COL5A3: variants seen among roughly 807,000 people sequenced by gnomAD.
The protein encoded by COL5A3 is collagen alpha-3(V) chain.
COL5A3 carries 172 observed loss-of-function variants against 250.0 expected under a neutral mutation model. The observed-to-expected ratio is 0.69, with a 90% CI of 0.61 to 0.78. The LOEUF (loss-of-function observed/expected upper bound fraction) is 0.78, where lower values mean the gene tolerates loss of function less well. Ranked by LOEUF, COL5A3 falls within the 30% of genes least tolerant of loss-of-function variation. The probability of loss-of-function intolerance (pLI) is 0.00; values close to 1 mark genes in which losing one functional copy is unlikely to be tolerated. For synonymous variants in COL5A3, 937 were observed against 900.4 expected, an observed-to-expected ratio of 1.04 and a Z score of -0.73; for missense variants, 2,340 against 2,334.4, an observed-to-expected ratio of 1.00 and a Z score of -0.05.
Position 9,969,980 on chromosome 19 carries a change from A to T in COL5A3, c.3937-58T>A, listed in dbSNP as rs114584365. On this transcript the variant is annotated intron_variant, in intron 54 of 66. Transcript: ENST00000264828. ...GGGCTGACTGAGGGTCAGAGGGGTG[A>T]GTGGGGTCTGGGTGACTGGGGGGTT... 7.4e-4 allele frequency: 1,001 copies of T among 1,358,698 alleles called. 17 individuals carry two copies. The African/African-American group carries it at 0.017, about 23-fold the overall frequency. The allele number at this position is 1,358,698 out of a possible 1,614,324, so 84.2% of individuals were successfully genotyped here. A position where few individuals can be genotyped will look rare whatever the true frequency, so the allele number is the denominator to read the frequency against.
chr19:9,991,953 CG>C, intron 22 of COL5A3, 50 bp downstream of exon 22: 1 of 1,580,966 alleles, frequency 6.3e-7, no homozygotes, highest in African/African-American at 1.4e-5. Context: ...TGTGGACAAT[CG>C]GGGTCAGAGT....
intron 51 of COL5A3, among the ~76,000 whole-genome samples, chr19:9,972,665 A>G (rs1452197601): frequency 6.7e-6 from 1 of 149,950 alleles, no homozygotes; most frequent in Non-Finnish European, 1.5e-5. Context: ...GTGAACACCC[A>G]TCTCTACTAA....
chr19:9,970,378 CGGGGGCTGTGGGGTGAGT>C (rs2086821333), intron 54 of COL5A3, among the ~76,000 whole-genome samples: 1 of 14,702 alleles, frequency 6.8e-5, no homozygotes, highest in Non-Finnish European at 1.3e-4. Flanking sequence ...GTGGGGTAAG[CGGGGGCTGTGGGGTGAGT>C]GGGGTCTGTG....
At chr19:9,962,476 G>A (rs547735370) in intron 65 of COL5A3, among the ~76,000 whole-genome samples, 1 of 152,200 alleles carries the variant, frequency 6.6e-6, no homozygotes, top group Non-Finnish European at 1.5e-5. Context: ...CCCTCTCCCT[G>A]GAACACTTGT....
At chr19:9,963,898 G>A (rs1193281689) in intron 64 of COL5A3, among the ~76,000 whole-genome samples, 1 of 152,118 alleles carries the variant, frequency 6.6e-6, no homozygotes, top group African/African-American at 2.4e-5. Flanking sequence ...GCCAGGCGCG[G>A]TGGCTCAAAC....
intron 37 of COL5A3, 115 bp from the exon 38 acceptor site, chr19:9,979,532 G>A (rs2086974507): frequency 8.8e-7 from 1 of 1,130,178 alleles, no homozygotes; most frequent in Non-Finnish European, 1.3e-6. Flanking sequence ...GCTCACGCCT[G>A]TAATCCCAGC....
intron 56 of COL5A3, 22 bp from the exon 57 acceptor site, chr19:9,969,424 G>C (rs1478404460): frequency 6.2e-7 from 1 of 1,606,288 alleles, no homozygotes. Context: ...ACAGAACATG[G>C]GGTGGGCTGC....
At chr19:10,007,964 A>G (rs2087466475) in intron 1 of COL5A3, among the ~76,000 whole-genome samples, 1 of 143,432 alleles carries the variant, frequency 7.0e-6, no homozygotes, top group African/African-American at 2.6e-5. Context: ...TCTCTTCTCA[A>G]TCTCTCTCTC....
chr19:9,986,352 G>A lies in COL5A3; in HGVS notation c.2315C>T (p.Ala772Val). 6.3e-7 allele frequency: 1 copy of A among 1,592,488 alleles called. No individual in the cohort carries two copies. Among genetic ancestry groups the A allele is most frequent in the Non-Finnish European group, 8.5e-7 (1 of 1,174,726 alleles). Residue 772 changes from alanine (A) to valine (V), a missense_variant, in exon 30 of 67, where the codon GCT becomes GTT. Ala to Val is a moderately conservative substitution (Grantham distance 64). Transcript: ENST00000264828. ...PEGPKGQAGQ[A>V]GEEGPPGSAG... ...TGAGCCTGGGGGCCCCTCCTCGCCA[G>A]CCTGCCCCGCCTGCCCCTTCGGCCC...
intron 10 of COL5A3, 117 bp from the exon 11 acceptor site, chr19:9,997,550 T>G (rs2145130689): frequency 1.6e-6 from 1 of 643,894 alleles, no homozygotes; most frequent in Non-Finnish European, 2.7e-6. Context: ...ACAGAGCCAC[T>G]CCAACTCCCC....
chr19:9,997,351 C>T lies in COL5A3; in HGVS notation c.1263+20G>A. 2 of 1,592,250 alleles carry T rather than the reference C, an allele frequency of 1.3e-6. No homozygotes were observed. The highest frequency in any genetic ancestry group is 1.7e-6 in the Non-Finnish European group (2 of 1,164,310). ...ACCTCACTCCTCTGAGAAGTGTACA[C>T]CCCAGTGGGAGTCTCTTACCGGTGG... On this transcript the variant is annotated intron_variant, in intron 11 of 66. Coordinates refer to ENST00000264828, the MANE Select transcript of COL5A3 (RefSeq NM_015719.4).
intron 34 of COL5A3, 56 bp from the exon 35 acceptor site, chr19:9,980,748 T>A: frequency 6.2e-7 from 1 of 1,614,002 alleles, no homozygotes; most frequent in Non-Finnish European, 8.5e-7. Context: ...GGGAAGAATT[T>A]GGAGGGACTG....
intron 55 of COL5A3, 30 bp downstream of exon 55, chr19:9,969,839 G>A (rs2145063216): frequency 6.2e-7 from 1 of 1,612,996 alleles, no homozygotes; most frequent in Non-Finnish European, 8.5e-7. Flanking sequence ...GAGTAGTGCA[G>A]GGACCCTTCC....
chr19:10,004,514 A>G (rs1388766563), intron 4 of COL5A3, among the ~76,000 whole-genome samples: 1 of 152,214 alleles, frequency 6.6e-6, no homozygotes, highest in African/African-American at 2.4e-5. Context: ...AATTTTTAGT[A>G]AAGACAAGGT....
rs1197646903 is a variant in COL5A3, at chr19:9,969,418, A to G, written c.4099-16T>C. On this transcript the variant is annotated splice_polypyrimidine_tract_variant and intron_variant, in intron 56 of 66. Coordinates refer to ENST00000264828, the MANE Select transcript of COL5A3 (RefSeq NM_015719.4). ...CTGGTTCACCCTGAGAATGGAACAG[A>G]ACATGGGGTGGGCTGCACCCTGTCA... 1 of 1,607,314 alleles carries G rather than the reference A, an allele frequency of 6.2e-7. No homozygotes were observed. Among genetic ancestry groups the G allele is most frequent in the Non-Finnish European group, 8.5e-7 (1 of 1,177,652 alleles).
At chr19:9,987,222 TACA>T (rs1222902818) in intron 27 of COL5A3, among the ~76,000 whole-genome samples, 1 of 152,208 alleles carries the variant, frequency 6.6e-6, no homozygotes, top group Non-Finnish European at 1.5e-5. Flanking sequence ...TGCACTTGGC[TACA>T]ACATCTCTGA....
chr19:10,007,091 T>TAA (rs2087454783), intron 1 of COL5A3, among the ~76,000 whole-genome samples: 1 of 144,406 alleles, frequency 6.9e-6, no homozygotes, highest in African/African-American at 2.6e-5. Flanking sequence ...CTTTCCCCTC[T>TAA]AACCTCCTCC....
In COL5A3 at chr19:10,005,700, GC is replaced by G; in HGVS notation, c.451del (p.Ala151ProfsTer4). ...NLTDGRWHRV[A>X]VSIDGEMVTL... Reference sequence around the variant, plus strand: ...CACCATCTCACCATCTATGCTGACGGCCACACGGTGCCACCTGCAAGGGGAC... The same window carrying G: ...CACCATCTCACCATCTATGCTGACGGCACACGGTGCCACCTGCAAGGGGAC... On this transcript the variant is annotated frameshift_variant, in exon 4 of 67. Transcript: ENST00000264828. LOFTEE classifies it high-confidence loss of function. The G allele has an allele frequency of 1.2e-6, 2 of 1,607,634 alleles. No individual in the cohort carries two copies. Among genetic ancestry groups the G allele is most frequent in the South Asian group, 2.2e-5 (2 of 90,666 alleles).
At chr19:9,960,918 T>C (rs2086664724) in intron 65 of COL5A3, 28 bp from the exon 66 acceptor site, 1 of 1,598,030 alleles carries the variant, frequency 6.3e-7, no homozygotes, top group African/African-American at 1.3e-5. Context: ...AGGCAGAGGA[T>C]GAGGGGCTCC....
Sources: allele counts gnomAD v4.1 joint callset (sites outside exome capture counted in the v4.1 genomes callset), GRCh38; gene constraint gnomAD v4.1.1; transcripts MANE v1.5; gene names NCBI Gene and HGNC (gene_info 2026-07-23, HGNC 2026-07-21).